Variants in GPC5 observed in about 807,000 individuals in gnomAD.
The protein encoded by GPC5 is glypican 5.
GPC5 carries 47 observed loss-of-function variants against 53.9 expected under a neutral mutation model. That is an observed-to-expected ratio of 0.87 (90% CI 0.69 to 1.11). GPC5 has a LOEUF of 1.11. Ranked by LOEUF, GPC5 falls within the 50% of genes most tolerant of loss-of-function variation. GPC5 has a pLI of 0.00. For synonymous variants in GPC5, 286 were observed against 263.3 expected, an observed-to-expected ratio of 1.09 and a Z score of -0.84; for missense variants, 748 against 713.1, an observed-to-expected ratio of 1.05 and a Z score of -0.56.
intron 1 of GPC5, among the ~76,000 whole-genome samples, chr13:91,430,454 T>C (rs1371909421): frequency 1.3e-5 from 2 of 152,218 alleles, no homozygotes; most frequent in Admixed American, 1.3e-4. Context: ...AGAAGTTTTC[T>C]GGGACTTCTG....
intron 7 of GPC5, among the ~76,000 whole-genome samples, chr13:92,346,839 A>G (rs1390004849): frequency 6.6e-6 from 1 of 152,208 alleles, no homozygotes; most frequent in East Asian, 1.9e-4. Flanking sequence ...GAGCTTTACA[A>G]CAAAATAGAA....
chr13:91,662,530 G>A (rs1260772947), intron 2 of GPC5, among the ~76,000 whole-genome samples: 1 of 151,662 alleles, frequency 6.6e-6, no homozygotes, highest in African/African-American at 2.4e-5. Flanking sequence ...GGCAGTAAAA[G>A]TATGAGAAGA....
At chr13:92,039,518 T>C (rs1317025961) in intron 6 of GPC5, among the ~76,000 whole-genome samples, 1 of 152,240 alleles carries the variant, frequency 6.6e-6, no homozygotes, top group Non-Finnish European at 1.5e-5. Flanking sequence ...TAAGGAAATA[T>C]TAGTTCAAGA....
At chr13:92,570,162 A>G (rs1015042445) in intron 7 of GPC5, among the ~76,000 whole-genome samples, 1 of 152,196 alleles carries the variant, frequency 6.6e-6, no homozygotes, top group Non-Finnish European at 1.5e-5. Flanking sequence ...GAGCAAAATC[A>G]GAGTCAGCTG....
intron 2 of GPC5, among the ~76,000 whole-genome samples, chr13:91,642,363 G>T (rs1594369961): frequency 6.6e-6 from 1 of 152,276 alleles, no homozygotes; most frequent in Admixed American, 6.5e-5. Context: ...GAGACGATAG[G>T]CCTGAGGATG....
At chr13:92,543,043 AGT>A (rs969187680) in intron 7 of GPC5, among the ~76,000 whole-genome samples, 8 of 152,150 alleles carry the variant, frequency 5.3e-5, no homozygotes, top group African/African-American at 1.9e-4. Flanking sequence ...GAAAGTTTTC[AGT>A]ATTAATTACA....
At chr13:91,482,307 T>C (rs2139220982) in intron 2 of GPC5, among the ~76,000 whole-genome samples, 1 of 152,266 alleles carries the variant, frequency 6.6e-6, no homozygotes, top group South Asian at 2.1e-4. Flanking sequence ...CAAGGTACCA[T>C]CTTGGAATCA....
chr13:92,841,350 A>G (rs1428383755), intron 7 of GPC5, among the ~76,000 whole-genome samples: 5 of 152,172 alleles, frequency 3.3e-5, no homozygotes, highest in African/African-American at 9.6e-5. Context: ...TCCATGAAGC[A>G]GCAGAAGTGA....
chr13:91,952,586 C>T (rs2040037294), intron 6 of GPC5, among the ~76,000 whole-genome samples: 1 of 152,050 alleles, frequency 6.6e-6, no homozygotes, highest in South Asian at 2.1e-4. Context: ...CAAAAAGAAT[C>T]TCTGGGAATG....
chr13:91,949,595 C>A (rs533562830), intron 6 of GPC5, among the ~76,000 whole-genome samples: 6 of 152,224 alleles, frequency 3.9e-5, no homozygotes, highest in African/African-American at 1.4e-4. Flanking sequence ...ATTAATAACA[C>A]TCCCATTATT....
chr13:92,504,415 A>G (rs984587899), intron 7 of GPC5, among the ~76,000 whole-genome samples: 1 of 152,084 alleles, frequency 6.6e-6, no homozygotes, highest in East Asian at 1.9e-4. Flanking sequence ...ATTCAACCCA[A>G]AATGATCTGT....
intron 7 of GPC5, among the ~76,000 whole-genome samples, chr13:92,154,449 G>A (rs1168994022): frequency 6.6e-6 from 1 of 152,114 alleles, no homozygotes; most frequent in African/African-American, 2.4e-5. Flanking sequence ...AGGAAGGGAA[G>A]GATAGATTCT....
chr13:92,850,301 C>T (rs61974508), intron 7 of GPC5, among the ~76,000 whole-genome samples: 9,608 of 152,118 alleles, frequency 0.063, 449 homozygotes, highest in Non-Finnish European at 0.096. Flanking sequence ...ATAGATTCCT[C>T]TAAAGATAGA....
At chr13:91,525,931 T>G (rs902309618) in intron 2 of GPC5, among the ~76,000 whole-genome samples, 22 of 152,190 alleles carry the variant, frequency 1.4e-4, no homozygotes, top group African/African-American at 5.1e-4. Context: ...ACTGAACATT[T>G]GTCCTCTACC....
intron 5 of GPC5, among the ~76,000 whole-genome samples, chr13:91,825,059 T>G (rs1365534055): frequency 6.6e-6 from 1 of 151,834 alleles, no homozygotes; most frequent in Non-Finnish European, 1.5e-5. Flanking sequence ...TAATTGATAT[T>G]CATCAATGAT....
At chr13:92,092,153 A>G (rs1324065906) in intron 6 of GPC5, among the ~76,000 whole-genome samples, 1 of 152,102 alleles carries the variant, frequency 6.6e-6, no homozygotes, top group African/African-American at 2.4e-5. Flanking sequence ...TTCCTGAAAA[A>G]CAGCTGAGCA....
chr13:91,645,693 A>G (rs1455083743), intron 2 of GPC5, among the ~76,000 whole-genome samples: 2 of 152,250 alleles, frequency 1.3e-5, no homozygotes, highest in Admixed American at 6.5e-5. Context: ...AAGTCTAGTC[A>G]GTCATCCACA....
chr13:91,600,587 G>T (rs1006574131), intron 2 of GPC5, among the ~76,000 whole-genome samples: 1 of 151,718 alleles, frequency 6.6e-6, no homozygotes, highest in Non-Finnish European at 1.5e-5. Context: ...GAATCAAAAA[G>T]ACCCCATTAT....
At chr13:92,541,569 A>G (rs1384750324) in intron 7 of GPC5, among the ~76,000 whole-genome samples, 1 of 147,072 alleles carries the variant, frequency 6.8e-6, no homozygotes, top group African/African-American at 2.4e-5. Context: ...TGCTCTAGAA[A>G]TAGCTTTTTT....
Sources: allele counts gnomAD v4.1 joint callset (sites outside exome capture counted in the v4.1 genomes callset), GRCh38; gene constraint gnomAD v4.1.1; transcripts MANE v1.5; gene names NCBI Gene and HGNC (gene_info 2026-07-23, HGNC 2026-07-21).